CNNM2: variants seen among roughly 807,000 people sequenced by gnomAD.
CNNM2 encodes metal transporter CNNM2.
CNNM2 carries 12 observed loss-of-function variants against 66.9 expected under a neutral mutation model. The observed-to-expected ratio is 0.18, with a 90% CI of 0.11 to 0.29. The LOEUF is 0.29. Among genes scored for constraint, CNNM2 ranks in the 10% least tolerant of loss-of-function variants. CNNM2 has a pLI of 1.00. For missense variants in CNNM2, 705 were observed against 1,167.7 expected, an observed-to-expected ratio of 0.60 and a Z score of 5.77; for synonymous variants, 557 against 501.8, an observed-to-expected ratio of 1.11 and a Z score of -1.47.
Position 102,918,300 on chromosome 10 carries a change from C to T in CNNM2, c.-181C>T, listed in dbSNP as rs1420536171. 20 of 1,110,578 alleles carry T rather than the reference C, an allele frequency of 1.8e-5. No homozygotes were observed. Among genetic ancestry groups the T allele is most frequent in the South Asian group, 5.1e-5 (3 of 58,710 alleles). The allele number at this position is 1,110,578 out of a possible 1,614,324, so 68.8% of individuals were successfully genotyped here. A position where few individuals can be genotyped will look rare whatever the true frequency, so the allele number is the denominator to read the frequency against. ...GAGCAGCCGGCGCTCCTCTCCCTCCCTCTTTCCCTCCCGCGAGCCTCGGGG... is the reference window on the plus strand; with the variant it reads ...GAGCAGCCGGCGCTCCTCTCCCTCCTTCTTTCCCTCCCGCGAGCCTCGGGG... On this transcript the variant is annotated 5_prime_UTR_variant, in exon 1 of 8. Coordinates refer to ENST00000369878, the MANE Select transcript of CNNM2 (RefSeq NM_017649.5). This position sits in a 1 kb window ranked among gnomAD's most constrained non-coding sequence, Gnocchi z 4.1.
chr10:103,034,200 A>G (rs1235965096), intron 1 of CNNM2, among the ~76,000 whole-genome samples: 8 of 151,976 alleles, frequency 5.3e-5, no homozygotes, highest in Non-Finnish European at 5.9e-5. Flanking sequence ...GTTTACTATT[A>G]AATGTATAAT....
At chr10:103,034,381 G>A (rs2064890116) in intron 1 of CNNM2, among the ~76,000 whole-genome samples, 2 of 151,138 alleles carry the variant, frequency 1.3e-5, no homozygotes, top group African/African-American at 2.4e-5. Flanking sequence ...CCTTCAAGCA[G>A]GTTTAAAAAC....
chr10:103,073,677 A>C (rs889870475), intron 6 of CNNM2, among the ~76,000 whole-genome samples: 1 of 151,378 alleles, frequency 6.6e-6, no homozygotes, highest in Non-Finnish European at 1.5e-5. Flanking sequence ...CTGGCTAACA[A>C]GGTGAAACCC....
At chr10:102,999,245 T>A (rs2064067608) in intron 1 of CNNM2, among the ~76,000 whole-genome samples, 1 of 149,798 alleles carries the variant, frequency 6.7e-6, no homozygotes, top group Admixed American at 6.7e-5. Flanking sequence ...TAATTTTTTT[T>A]TTTTTTTTTT....
At chr10:102,978,714 C>T (rs1453507992) in intron 1 of CNNM2, among the ~76,000 whole-genome samples, 1 of 152,156 alleles carries the variant, frequency 6.6e-6, no homozygotes, top group African/African-American at 2.4e-5. Flanking sequence ...CTGGTCATAC[C>T]TGTGTGTGAC....
chr10:103,051,304 G>C (rs2065208630), intron 2 of CNNM2, among the ~76,000 whole-genome samples: 1 of 151,860 alleles, frequency 6.6e-6, no homozygotes, highest in Non-Finnish European at 1.5e-5. Context: ...GGTGGCACAT[G>C]CCTGTAGTCT....
chr10:102,940,226 T>G (rs1846379817), intron 1 of CNNM2, among the ~76,000 whole-genome samples: 1 of 152,132 alleles, frequency 6.6e-6, no homozygotes, highest in Non-Finnish European at 1.5e-5. Flanking sequence ...GGTGTTGGGA[T>G]TACAGGTGTG....
chr10:103,036,461 G>C (rs2064940972), intron 1 of CNNM2, among the ~76,000 whole-genome samples: 1 of 152,164 alleles, frequency 6.6e-6, no homozygotes, highest in African/African-American at 2.4e-5. Context: ...ACAGCACCTA[G>C]ATTAGTGTTT....
chr10:103,022,142 C>T (rs562091048), intron 1 of CNNM2, among the ~76,000 whole-genome samples: 8 of 152,216 alleles, frequency 5.3e-5, no homozygotes, highest in South Asian at 4.2e-4. Context: ...GTTTCTACCG[C>T]GTCAGCTGGG....
At chr10:102,979,163 A>G (rs1371252733) in intron 1 of CNNM2, among the ~76,000 whole-genome samples, 1 of 152,192 alleles carries the variant, frequency 6.6e-6, no homozygotes, top group Non-Finnish European at 1.5e-5. Flanking sequence ...TCTGTGGTTC[A>G]TGAGGTATGT....
At chr10:102,989,096 A>C (rs776624422) in intron 1 of CNNM2, among the ~76,000 whole-genome samples, 18 of 152,322 alleles carry the variant, frequency 1.2e-4, no homozygotes, top group Non-Finnish European at 2.4e-4. Context: ...ATCCGATTAC[A>C]ATTCTAAATA....
chr10:102,930,048 G>A (rs1267899315), intron 1 of CNNM2, among the ~76,000 whole-genome samples: 1 of 152,172 alleles, frequency 6.6e-6, no homozygotes. Flanking sequence ...TGATCCAAGA[G>A]AAGAAAAGAG....
At chr10:102,959,096 G>A (rs750743884) in intron 1 of CNNM2, among the ~76,000 whole-genome samples, 2 of 151,910 alleles carry the variant, frequency 1.3e-5, no homozygotes, top group Non-Finnish European at 2.9e-5. Flanking sequence ...CACCACACCT[G>A]GCTAATTTTT....
rs766367564 is a variant in CNNM2, at chr10:102,920,137, TTCTC to T, written c.1621+41_1621+44del. On this transcript the variant is annotated intron_variant, in intron 1 of 7. Transcript: ENST00000369878. ...TTGGTCTCTTTCATTGGCTTGCTCT[TTCTC>T]TCTCCATCCTCCTCCCTACTTGAGT... is the stretch of plus-strand genomic sequence containing the variant. 2.5e-6 allele frequency: 4 copies of T among 1,614,020 alleles called. No individual in the cohort carries two copies. The highest frequency in any genetic ancestry group is 1.3e-5 in the African/African-American group (1 of 74,922).
intron 1 of CNNM2, among the ~76,000 whole-genome samples, chr10:102,923,024 A>C (rs1216630469): frequency 6.6e-6 from 1 of 152,148 alleles, no homozygotes; most frequent in Non-Finnish European, 1.5e-5. Flanking sequence ...GCTGTAGAGA[A>C]TTAGTCTGAG....
chr10:102,927,490 T>C, intron 1 of CNNM2: 1 of 1,578,920 alleles, frequency 6.3e-7, no homozygotes, highest in South Asian at 1.1e-5. Context: ...CTGGGCGTGG[T>C]GGCTCATGCC....
chr10:103,023,316 C>T (rs1361429487), intron 1 of CNNM2, among the ~76,000 whole-genome samples: 4 of 152,164 alleles, frequency 2.6e-5, no homozygotes, highest in Non-Finnish European at 5.9e-5. Flanking sequence ...CTTTGGGTGG[C>T]TGACGGCAGG....
intron 1 of CNNM2, among the ~76,000 whole-genome samples, chr10:102,985,483 T>C (rs935855229): frequency 6.6e-6 from 1 of 152,166 alleles, no homozygotes. Flanking sequence ...AGGAAGTGTT[T>C]ATGGTCCCTT....
At chr10:102,927,529 GGAGGTGGATCACTT>G in intron 1 of CNNM2, 3 of 1,453,036 alleles carry the variant, frequency 2.1e-6, no homozygotes, top group Non-Finnish European at 2.8e-6. Flanking sequence ...GGAGGCCCAG[GGAGGTGGATCACTT>G]GAGGTCAGGA....
Sources: gnomAD v4.1 joint callset for allele counts (sites outside exome capture counted in the v4.1 genomes callset) on GRCh38, gnomAD v4.1.1 for gene constraint, Gnocchi (gnomAD v3.1) non-coding constraint, MANE v1.5 for transcripts, NCBI Gene and HGNC (gene_info 2026-07-23, HGNC 2026-07-21) for gene names.